The following ANKDD1B variants were observed in gnomAD, a reference collection of about 807,000 sequenced individuals.
The protein encoded by ANKDD1B is ankyrin repeat and death domain containing 1B, also known as ankyrin repeat and death domain-containing protein 1B.
In ANKDD1B, 57 loss-of-function variants were observed where a neutral mutation model predicts 59.7. That is an observed-to-expected ratio of 0.95 (90% confidence interval 0.77 to 1.19). ANKDD1B has a LOEUF of 1.19. ANKDD1B is among the 50% of genes most tolerant of loss of function. The pLI is 0.00. For synonymous variants in ANKDD1B, 216 were observed against 239.5 expected, an observed-to-expected ratio of 0.90 and a Z score of 0.91; for missense variants, 602 against 641.9, an observed-to-expected ratio of 0.94 and a Z score of 0.67.
rs1773814658 is a variant in ANKDD1B at position 75,620,354 on chromosome 5, C to A, written c.337C>A (p.His113Asn). ...CCTGCATTTTGCAGTGGGGAGAAATCATTTATCTGCAGTGGATTTCTTGCT... is the reference window on the plus strand; with the variant it reads ...CCTGCATTTTGCAGTGGGGAGAAATAATTTATCTGCAGTGGATTTCTTGCT... ...TALHFAVGRNHLSAVDFLLKH... is the reference protein window; with the variant it reads ...TALHFAVGRNNLSAVDFLLKH... The change falls in exon 3 of 14, where the codon CAT becomes AAT. Residue 113 changes from histidine to asparagine, a missense_variant. His to Asn is a moderately conservative substitution (Grantham distance 68, BLOSUM62 1). Coordinates refer to ENST00000601380, the MANE Select transcript of ANKDD1B (RefSeq NM_001276713.2). 2.0e-6 allele frequency: 3 copies of A among 1,535,172 alleles called. No homozygotes were observed. Among genetic ancestry groups the A allele is most frequent in the South Asian group, 1.2e-5 (1 of 83,998 alleles).
chr5:75,633,801 A>G (rs1774227744), intron 5 of ANKDD1B, among the ~76,000 whole-genome samples: 1 of 152,166 alleles, frequency 6.6e-6, no homozygotes, highest in African/African-American at 2.4e-5. Context: ...GGTGGGACCT[A>G]TTGGGAGATG....
chr5:75,656,052 AGTT>A lies in ANKDD1B; in HGVS notation c.925_927del (p.Val309del), dbSNP rs1774966207. ...AGCCTAAGGAGTCCCCTCTTCATTT[AGTT>A]GTTATCAACAACCACATCACGGTTG... is the stretch of plus-strand genomic sequence containing the variant. On this transcript the variant is annotated inframe_deletion, in exon 9 of 14. Transcript: ENST00000601380. 4 of 1,507,238 alleles carry A rather than the reference AGTT, an allele frequency of 2.7e-6. No individual in the cohort carries two copies. Among genetic ancestry groups the A allele is most frequent in the Non-Finnish European group, 2.7e-6 (3 of 1,120,948 alleles). 93.4% of individuals were successfully genotyped at this position (1,507,238 alleles called of 1,614,324 possible).
chr5:75,663,328 T>C (rs921824038), intron 10 of ANKDD1B, 66 bp from the exon 11 acceptor site: 5 of 1,220,484 alleles, frequency 4.1e-6, no homozygotes, highest in Non-Finnish European at 1.2e-6. Flanking sequence ...GGCCCCCTTG[T>C]TCCAAAACTA....
chr5:75,619,335 A>G (rs1304178874), intron 2 of ANKDD1B, among the ~76,000 whole-genome samples: 1 of 152,230 alleles, frequency 6.6e-6, no homozygotes, highest in East Asian at 1.9e-4. Context: ...TGAACTTTGT[A>G]GCAAAGGATA....
At chr5:75,616,181 T>C (rs573312479) in intron 1 of ANKDD1B, among the ~76,000 whole-genome samples, 9 of 152,294 alleles carry the variant, frequency 5.9e-5, no homozygotes, top group African/African-American at 2.2e-4. Flanking sequence ...AAAAACTCAA[T>C]AAACCCTGGA....
At chr5:75,660,461 T>C (rs1334846681) in intron 10 of ANKDD1B, among the ~76,000 whole-genome samples, 1 of 152,266 alleles carries the variant, frequency 6.6e-6, no homozygotes, top group Non-Finnish European at 1.5e-5. Flanking sequence ...CATTTCATTG[T>C]ATGTCTATAC....
At chr5:75,630,998 C>G (rs1457033119) in intron 5 of ANKDD1B, among the ~76,000 whole-genome samples, 1 of 152,134 alleles carries the variant, frequency 6.6e-6, no homozygotes, top group Non-Finnish European at 1.5e-5. Context: ...ATCATATGCC[C>G]AATCTCGAAC....
chr5:75,626,572 A>C (rs1420007631), intron 5 of ANKDD1B, among the ~76,000 whole-genome samples: 2 of 152,170 alleles, frequency 1.3e-5, no homozygotes, highest in Admixed American at 1.3e-4. Flanking sequence ...GGTAGAAAAT[A>C]TTTTGCTCAT....
At chr5:75,635,193 GC>G in intron 6 of ANKDD1B, 197 bp downstream of exon 6, 1 of 444,448 alleles carries the variant, frequency 2.2e-6, no homozygotes, top group Non-Finnish European at 4.1e-6. Context: ...GTCCAGATTG[GC>G]AGTTTTTGCT....
intron 3 of ANKDD1B, among the ~76,000 whole-genome samples, chr5:75,624,663 C>T (rs1430323409): frequency 1.3e-5 from 2 of 152,130 alleles, no homozygotes; most frequent in Admixed American, 6.5e-5. Context: ...TGTGTGTACC[C>T]TCTCCTCCTC....
intron 12 of ANKDD1B, among the ~76,000 whole-genome samples, chr5:75,668,490 C>G (rs760571396): frequency 2.6e-5 from 4 of 152,160 alleles, no homozygotes; most frequent in Non-Finnish European, 5.9e-5. Flanking sequence ...TTCCCTCTCC[C>G]TGAAATGCCC....
chr5:75,637,335 G>A (rs61137203), intron 7 of ANKDD1B, among the ~76,000 whole-genome samples: 1,611 of 150,562 alleles, frequency 0.011, 22 homozygotes, highest in African/African-American at 0.037. Context: ...CTATGCAGGC[G>A]GGTTTGTGAG....
chr5:75,612,449 C>G (rs895073941), intron 1 of ANKDD1B, among the ~76,000 whole-genome samples: 1 of 144,828 alleles, frequency 6.9e-6, no homozygotes, highest in Non-Finnish European at 1.5e-5. Context: ...CCCACCTCAG[C>G]CTTCCCAGTA....
At chr5:75,637,227 A>G (rs1214457672) in intron 7 of ANKDD1B, among the ~76,000 whole-genome samples, 3 of 120,972 alleles carry the variant, frequency 2.5e-5, no homozygotes, top group African/African-American at 1.0e-4. Context: ...CCTGGGCGAC[A>G]GAGACTCTGT....
chr5:75,618,635 A>C (rs371898196), intron 2 of ANKDD1B, among the ~76,000 whole-genome samples: 1 of 152,236 alleles, frequency 6.6e-6, no homozygotes, highest in Non-Finnish European at 1.5e-5. Flanking sequence ...TTTGGCTTAC[A>C]TCCTTATTCA....
intron 12 of ANKDD1B, among the ~76,000 whole-genome samples, chr5:75,667,526 G>A (rs1032456449): frequency 3.3e-5 from 5 of 152,078 alleles, no homozygotes; most frequent in African/African-American, 9.7e-5. Flanking sequence ...TGAGCGACAC[G>A]GCAAATACAG....
At chr5:75,653,099 T>C (rs972860983) in intron 7 of ANKDD1B, 43 bp from the exon 8 acceptor site, 2 of 1,326,804 alleles carry the variant, frequency 1.5e-6, no homozygotes, top group African/African-American at 2.9e-5. Flanking sequence ...CATGCTGAAT[T>C]ATAATGAGAG....
Position 75,669,259 on chromosome 5 carries a change from A to C in ANKDD1B, c.1401A>C (p.Glu467Asp). 1 of 1,232,088 alleles carries C rather than the reference A, an allele frequency of 8.1e-7. No individual in the cohort carries two copies. Among genetic ancestry groups the C allele is most frequent in the Non-Finnish European group, 1.0e-6 (1 of 987,932 alleles). The allele number at this position is 1,232,088 out of a possible 1,614,324, so 76.3% of individuals were successfully genotyped here. A position where few individuals can be genotyped will look rare whatever the true frequency, so the allele number is the denominator to read the frequency against. ...CTCTTGTGCTTGGCACAGGAAATGA[A>C]AGCTTCCGTGAACATGGCCACAGGG... ...RAIEEQWSGNESFREHGHRAL... is the reference protein window; with the variant it reads ...RAIEEQWSGNDSFREHGHRAL... Residue 467 changes from glutamate to aspartate, a missense_variant, in exon 13 of 14, where the codon GAA (glutamate) becomes GAC (aspartate). Physicochemically the swap from Glu to Asp is conservative, Grantham distance 45. Transcript: ENST00000601380.
At position 75,611,752 on chromosome 5, in the gene ANKDD1B, T is replaced by A. The variant is rs745511150; in HGVS notation, c.118T>A (p.Trp40Arg). The part of the protein sequence containing the change: ...EDLWGAAALP[W>R]RSLSRIPKRE... ...CCTGTGGGGCGCGGCCGCCCTGCCT[T>A]GGAGGAGCCTGTCCCGGATCCCGAA... Residue 40 changes from tryptophan (W) to arginine (R), a missense_variant, in exon 1 of 14, where the codon TGG (tryptophan) becomes AGG (arginine). This residue lies in a region of ANKDD1B where 317 missense variants were observed against 304.6 expected (regional missense o/e 1.04). Transcript: ENST00000601380. 19 of 1,231,842 alleles carry A rather than the reference T, an allele frequency of 1.5e-5. No individual in the cohort carries two copies. Among genetic ancestry groups the A allele is most frequent in the Non-Finnish European group, 1.9e-5 (19 of 988,084 alleles). 76.3% of individuals were successfully genotyped at this position (1,231,842 alleles called of 1,614,324 possible).
Sources: gnomAD v4.1 joint callset for allele counts (sites outside exome capture counted in the v4.1 genomes callset) on GRCh38, gnomAD v4.1.1 for gene constraint, gnomAD v4.1.1 regional missense constraint, MANE v1.5 for transcripts, NCBI Gene and HGNC (gene_info 2026-07-23, HGNC 2026-07-21) for gene names.